Variants in RUFY1 observed in about 807,000 individuals in gnomAD.
RUFY1 encodes the protein RUN and FYVE domain containing 1.
A neutral mutation model predicts 94.6 loss-of-function variants in RUFY1; 54 were observed. The observed-to-expected ratio is 0.57, with a 90% CI of 0.46 to 0.72. The LOEUF (loss-of-function observed/expected upper bound fraction) is 0.72. RUFY1 is among the 30% of genes least tolerant of loss of function. The probability of loss-of-function intolerance (pLI) is 0.00; values close to 1 mark genes in which losing one functional copy is unlikely to be tolerated. For missense variants in RUFY1, 883 were observed against 883.9 expected (o/e 1.00, Z 0.01); for synonymous variants, 396 against 347.3 (o/e 1.14, Z -1.56).
In RUFY1 at chr5:179,562,591, T is replaced by C. The variant is rs201989633; in HGVS notation, c.529T>C (p.Leu177=). The change falls in exon 3 of 18, where the codon TTG becomes CTG. Residue 177 remains leucine (L), a synonymous_variant. Coordinates refer to ENST00000319449, the MANE Select transcript of RUFY1 (RefSeq NM_025158.5). ...CCAAAATAAATCATTCTTTGGTCCT[T>C]TGGAGCTGGTGGAGAAACTTTGTCC... The part of the protein sequence containing the change: ...IGQNKSFFGP[L]ELVEKLCPEA... 14 of 1,612,062 alleles carry C rather than the reference T, an allele frequency of 8.7e-6. No homozygotes were observed. The East Asian group carries it at 2.2e-4, about 26-fold the overall frequency.
chr5:179,601,221 T>A (rs895187552), intron 14 of RUFY1, among the ~76,000 whole-genome samples: 1 of 151,774 alleles, frequency 6.6e-6, no homozygotes, highest in Non-Finnish European at 1.5e-5. Context: ...CAGGCTGGAG[T>A]ACAGTAGCAC....
At chr5:179,601,687 C>G (rs1206150643) in intron 14 of RUFY1, among the ~76,000 whole-genome samples, 1 of 148,894 alleles carries the variant, frequency 6.7e-6, no homozygotes, top group African/African-American at 2.5e-5. Context: ...GGCATGGTGG[C>G]GGGCACCTGT....
Position 179,596,647 on chromosome 5 carries a change from C to T in RUFY1, c.1597C>T (p.Leu533=). The change falls in exon 13 of 18, where the codon CTG becomes TTG. Residue 533 remains leucine (L), a synonymous_variant. Coordinates refer to ENST00000319449, the MANE Select transcript of RUFY1 (RefSeq NM_025158.5). ...GGAGCTGGGCGGGAGGATCGGCGCCCTGCAGCTGCAGCTCTCCCAGCTGCA... is the reference window on the plus strand; with the variant it reads ...GGAGCTGGGCGGGAGGATCGGCGCCTTGCAGCTGCAGCTCTCCCAGCTGCA... ...QQELGGRIGA[L]QLQLSQLHEQ... is the part of the protein sequence containing the mutation. The T allele has an allele frequency of 6.2e-7, 1 of 1,608,416 alleles. No individual in the cohort carries two copies. The highest frequency in any genetic ancestry group is 8.5e-7 in the Non-Finnish European group (1 of 1,178,190).
chr5:179,580,464 C>G (rs11950618), intron 6 of RUFY1, among the ~76,000 whole-genome samples: 39 of 150,972 alleles, frequency 2.6e-4, no homozygotes, highest in Middle Eastern at 3.4e-3. Context: ...GGATGGTCTC[C>G]ATCTCCTGAC....
At chr5:179,551,139 G>C (rs1345148454) in intron 1 of RUFY1, among the ~76,000 whole-genome samples, 2 of 152,220 alleles carry the variant, frequency 1.3e-5, no homozygotes, top group East Asian at 1.9e-4. Context: ...TGAAGGACGT[G>C]TGCGCGTCCG....
intron 1 of RUFY1, among the ~76,000 whole-genome samples, chr5:179,559,040 A>C (rs1248183254): frequency 6.6e-6 from 1 of 152,212 alleles, no homozygotes; most frequent in East Asian, 1.9e-4. Flanking sequence ...ACAGCTGCAA[A>C]CCAAAAACAA....
At chr5:179,574,237 A>G (rs1342579849) in intron 5 of RUFY1, among the ~76,000 whole-genome samples, 1 of 152,060 alleles carries the variant, frequency 6.6e-6, no homozygotes, top group African/African-American at 2.4e-5. Context: ...TCTACCAAAA[A>G]TACAACAATT....
At chr5:179,586,420 A>G in intron 8 of RUFY1, 3 of 456,644 alleles carry the variant, frequency 6.6e-6, no homozygotes, top group South Asian at 4.6e-5. Context: ...TGCTGGACAC[A>G]TCTTGTCTCC....
intron 1 of RUFY1, chr5:179,559,654 G>A (rs1007771663): frequency 1.7e-5 from 17 of 1,017,772 alleles, no homozygotes; most frequent in Non-Finnish European, 2.0e-5. Flanking sequence ...TAAGAGCTTG[G>A]GGCAGGGCTT....
rs35615152 is a variant in RUFY1 at position 179,580,552 on chromosome 5, GTT to G, written c.891-384_891-383del. 2.1e-4 allele frequency among the ~76,000 whole-genome samples: 30 copies of G among 145,322 alleles called. No homozygotes were observed. The East Asian group carries it at 3.8e-3, about 18-fold the overall frequency. On this transcript the variant is annotated intron_variant, in intron 6 of 17. Transcript: ENST00000319449. Reference sequence around the variant, plus strand: ...CCACCACGCCTGGCCAGTTTTTTTTGTTTTTTTTTTTTAATCCAAACTGGCCT... The same window carrying G: ...CCACCACGCCTGGCCAGTTTTTTTTGTTTTTTTTTTAATCCAAACTGGCCT...
intron 1 of RUFY1, chr5:179,555,621 C>CTTTTTTTTT (rs10556244): frequency 2.4e-5 from 6 of 249,716 alleles, no homozygotes; most frequent in South Asian, 7.4e-5. Context: ...AAACTCCCAA[C>CTTTTTTTTT]TTTTTTTTTT....
intron 7 of RUFY1, 97 bp from the exon 8 acceptor site, chr5:179,585,699 A>C (rs1764554931): frequency 2.2e-6 from 2 of 890,228 alleles, no homozygotes; most frequent in East Asian, 2.4e-5. Context: ...TTTCCATTTC[A>C]TACAGGAAAT....
intron 1 of RUFY1, chr5:179,559,817 C>A: frequency 7.5e-7 from 1 of 1,331,454 alleles, no homozygotes; most frequent in Non-Finnish European, 9.6e-7. Flanking sequence ...CTCTTCTGAC[C>A]CAAGGCCCCG....
intron 1 of RUFY1, among the ~76,000 whole-genome samples, chr5:179,557,734 G>A (rs905225299): frequency 6.6e-6 from 1 of 152,048 alleles, no homozygotes; most frequent in African/African-American, 2.4e-5. Flanking sequence ...TAGATTTGTA[G>A]GGAGAAAAAT....
chr5:179,595,770 G>A (rs781683066), intron 12 of RUFY1: 2 of 152,060 alleles, frequency 1.3e-5, no homozygotes, highest in African/African-American at 2.4e-5. Flanking sequence ...GGCTGGTCTC[G>A]AACTCCCGAC....
intron 5 of RUFY1, among the ~76,000 whole-genome samples, chr5:179,575,069 A>T (rs755735421): frequency 6.4e-4 from 69 of 108,254 alleles, no homozygotes; most frequent in Non-Finnish European, 9.7e-4. Flanking sequence ...TCCCTTTCCC[A>T]CAGGTGATGG....
intron 7 of RUFY1, among the ~76,000 whole-genome samples, chr5:179,583,894 C>T (rs1372174663): frequency 1.3e-5 from 2 of 151,466 alleles, no homozygotes; most frequent in South Asian, 2.1e-4. Context: ...GGATTGCAGG[C>T]GCCCACCACC....
At chr5:179,607,903 T>C (rs980686933) in intron 17 of RUFY1, among the ~76,000 whole-genome samples, 1 of 152,220 alleles carries the variant, frequency 6.6e-6, no homozygotes, top group Non-Finnish European at 1.5e-5. Flanking sequence ...CTTTCAGTGA[T>C]TGACAATGAT....
chr5:179,598,879 A>G, intron 14 of RUFY1, 58 bp downstream of exon 14: 2 of 1,598,230 alleles, frequency 1.3e-6, no homozygotes, highest in Non-Finnish European at 8.6e-7. Flanking sequence ...AACCCCTAAC[A>G]TGCTCCGGGC....
Sources: allele counts gnomAD v4.1 joint callset (sites outside exome capture counted in the v4.1 genomes callset), GRCh38; gene constraint gnomAD v4.1.1; transcripts MANE v1.5; gene names NCBI Gene and HGNC (gene_info 2026-07-23, HGNC 2026-07-21).